Variants in WWOX observed in about 807,000 individuals in gnomAD.
WWOX encodes WW domain containing oxidoreductase.
Under a neutral mutation model 46.2 loss-of-function variants are expected in WWOX, and 69 were observed. The observed-to-expected ratio is 1.49, with a 90% confidence interval of 1.23 to 1.82. The LOEUF (loss-of-function observed/expected upper bound fraction) is 1.82. Among genes scored for constraint, WWOX ranks in the 40% most tolerant of loss-of-function variants. The probability of loss-of-function intolerance (pLI) is 0.00; values close to 1 mark genes in which losing one functional copy is unlikely to be tolerated. For missense variants in WWOX, 919 were observed against 542.6 expected, an observed-to-expected ratio of 1.69 and a Z score of -6.89; for synonymous variants, 359 against 202.6, an observed-to-expected ratio of 1.77 and a Z score of -6.56.
intron 5 of WWOX, among the ~76,000 whole-genome samples, chr16:78,300,188 T>A (rs919993502): frequency 6.6e-6 from 1 of 152,216 alleles, no homozygotes; most frequent in Non-Finnish European, 1.5e-5. Context: ...TATCTACGTT[T>A]ATTCAATAAT....
intron 8 of WWOX, among the ~76,000 whole-genome samples, chr16:78,845,767 A>G (rs1012530375): frequency 2.8e-4 from 42 of 152,354 alleles, no homozygotes; most frequent in African/African-American, 8.4e-4. Flanking sequence ...CTAATCCTGT[A>G]CTAATTTAAT....
At chr16:79,066,800 G>A (rs760698688) in intron 8 of WWOX, among the ~76,000 whole-genome samples, 1 of 152,172 alleles carries the variant, frequency 6.6e-6, no homozygotes, top group Admixed American at 6.5e-5. Flanking sequence ...GGTCAAACGA[G>A]GTACCATACA....
At chr16:78,639,369 C>T (rs1292483028) in intron 8 of WWOX, among the ~76,000 whole-genome samples, 1 of 152,166 alleles carries the variant, frequency 6.6e-6, no homozygotes, top group African/African-American at 2.4e-5. Flanking sequence ...ATGGGAACCT[C>T]ATAACAGACC....
intron 8 of WWOX, among the ~76,000 whole-genome samples, chr16:79,014,153 G>C (rs894357811): frequency 1.3e-5 from 2 of 152,184 alleles, no homozygotes; most frequent in Non-Finnish European, 2.9e-5. Flanking sequence ...GGGAAGGGAT[G>C]GTCCTATTTA....
intron 5 of WWOX, among the ~76,000 whole-genome samples, chr16:78,267,693 C>T (rs1198374644): frequency 6.6e-6 from 1 of 152,214 alleles, no homozygotes; most frequent in African/African-American, 2.4e-5. Context: ...GGTCCTCATC[C>T]TGCTCCCTAC....
intron 8 of WWOX, among the ~76,000 whole-genome samples, chr16:78,762,528 T>G (rs2049819564): frequency 6.6e-6 from 1 of 152,182 alleles, no homozygotes; most frequent in Non-Finnish European, 1.5e-5. Context: ...GCCCCTGTAA[T>G]GCAAAATTCA....
chr16:78,599,755 G>C (rs185612896), intron 8 of WWOX, among the ~76,000 whole-genome samples: 1 of 152,046 alleles, frequency 6.6e-6, no homozygotes, highest in Non-Finnish European at 1.5e-5. Flanking sequence ...TGTTACCCCC[G>C]GGAGACTGGG....
intron 7 of WWOX, among the ~76,000 whole-genome samples, chr16:78,426,690 A>T (rs1488888654): frequency 6.6e-6 from 1 of 151,978 alleles, no homozygotes; most frequent in Non-Finnish European, 1.5e-5. Flanking sequence ...TTTGACATGG[A>T]GTCTTGATCT....
intron 5 of WWOX, chr16:78,278,479 A>G (rs2151852511): frequency 2.0e-6 from 2 of 976,840 alleles, no homozygotes; most frequent in Non-Finnish European, 1.5e-6. Flanking sequence ...AGAAGGTTTT[A>G]TTTAACCAGC....
At chr16:78,682,331 A>C (rs1407767627) in intron 8 of WWOX, among the ~76,000 whole-genome samples, 2 of 152,196 alleles carry the variant, frequency 1.3e-5, no homozygotes. Flanking sequence ...AGCCACTGAA[A>C]GATGGCTCAC....
Position 78,946,527 on chromosome 16 carries a change from G to C in WWOX, c.1057-265081G>C, listed in dbSNP as rs912943349. Reference sequence around the variant, plus strand: ...CAAAGAAATAGTCAAGAAGTTTCTAGATGCACACAAAATGACCAAACCAGT... The same window carrying C: ...CAAAGAAATAGTCAAGAAGTTTCTACATGCACACAAAATGACCAAACCAGT... On this transcript the variant is annotated intron_variant, in intron 8 of 8. Transcript: ENST00000566780. 2.6e-5 allele frequency among the ~76,000 whole-genome samples: 4 copies of C among 151,996 alleles called. No individual in the cohort carries two copies. In the South Asian group the frequency reaches 8.3e-4, roughly 32 times the overall value.
At chr16:78,979,866 C>G (rs966571163) in intron 8 of WWOX, among the ~76,000 whole-genome samples, 1 of 152,134 alleles carries the variant, frequency 6.6e-6, no homozygotes, top group Non-Finnish European at 1.5e-5. Context: ...CAGTGGCTCA[C>G]GTCTATAATC....
At chr16:78,527,115 A>G (rs1410684104) in intron 8 of WWOX, among the ~76,000 whole-genome samples, 2 of 152,110 alleles carry the variant, frequency 1.3e-5, no homozygotes, top group Non-Finnish European at 2.9e-5. Context: ...GTGAGCCGAG[A>G]TCATGCCATT....
chr16:78,538,744 T>C (rs957879837), intron 8 of WWOX, among the ~76,000 whole-genome samples: 10 of 152,238 alleles, frequency 6.6e-5, no homozygotes, highest in African/African-American at 2.4e-4. Flanking sequence ...CAGCATCTGA[T>C]TTTAAAACCC....
chr16:78,849,997 G>A (rs1353102935), intron 8 of WWOX, among the ~76,000 whole-genome samples: 3 of 152,076 alleles, frequency 2.0e-5, no homozygotes, highest in Admixed American at 6.5e-5. Flanking sequence ...GCTTGAACCT[G>A]GGAGATGGAG....
At chr16:78,625,924 A>T (rs936874318) in intron 8 of WWOX, among the ~76,000 whole-genome samples, 1 of 149,604 alleles carries the variant, frequency 6.7e-6, no homozygotes, top group African/African-American at 2.5e-5. Context: ...AAGTTTAAGT[A>T]AAATTTGCAT....
chr16:78,461,479 G>A (rs916289401), intron 8 of WWOX, among the ~76,000 whole-genome samples: 1 of 152,242 alleles, frequency 6.6e-6, no homozygotes, highest in Non-Finnish European at 1.5e-5. Flanking sequence ...GTGTGCATAG[G>A]TGGGACTGCT....
intron 8 of WWOX, among the ~76,000 whole-genome samples, chr16:79,122,208 G>C (rs1474570033): frequency 2.0e-5 from 3 of 152,122 alleles, no homozygotes; most frequent in South Asian, 2.1e-4. Flanking sequence ...CCGCCTCTGG[G>C]CACAATTAAA....
At chr16:78,728,254 G>A (rs939413778) in intron 8 of WWOX, among the ~76,000 whole-genome samples, 3 of 151,424 alleles carry the variant, frequency 2.0e-5, no homozygotes, top group African/African-American at 7.3e-5. Context: ...TTGTAGAGAT[G>A]GGGTCCCACT....
Sources: gnomAD v4.1 joint callset for allele counts (sites outside exome capture counted in the v4.1 genomes callset) on GRCh38, gnomAD v4.1.1 for gene constraint, MANE v1.5 for transcripts, NCBI Gene and HGNC (gene_info 2026-07-23, HGNC 2026-07-21) for gene names.